The following ANK3 variants were observed in gnomAD, a reference collection of about 807,000 sequenced individuals.
The protein encoded by ANK3 is ankyrin-3.
In ANK3, 57 loss-of-function variants were observed where a neutral mutation model predicts 370.9. That is an observed-to-expected ratio of 0.15 (90% CI 0.12 to 0.19). ANK3 has a LOEUF of 0.19. Among genes scored for constraint, ANK3 ranks in the 10% least tolerant of loss-of-function variants. ANK3 has a pLI of 1.00. For missense variants in ANK3, 4,439 were observed against 5,302.1 expected (o/e 0.84, Z 5.06); for synonymous variants, 1,929 against 1,946.3 (o/e 0.99, Z 0.23).
chr10:60,536,885 G>T (rs952116072), intron 2 of ANK3, among the ~76,000 whole-genome samples: 11 of 151,858 alleles, frequency 7.2e-5, no homozygotes, highest in African/African-American at 2.4e-4. Context: ...TTATTTATGC[G>T]AGAATAAATC....
chr10:60,319,410 G>A (rs928618764), intron 1 of ANK3, among the ~76,000 whole-genome samples: 6 of 152,130 alleles, frequency 3.9e-5, no homozygotes, highest in African/African-American at 1.2e-4. Context: ...TCTCATTAAC[G>A]TAGTCTCCCA....
chr10:60,178,607 A>G (rs1200097015), intron 18 of ANK3, among the ~76,000 whole-genome samples: 1 of 152,222 alleles, frequency 6.6e-6, no homozygotes, highest in Non-Finnish European at 1.5e-5. Context: ...GGCAAGGAAT[A>G]TATCTCCCAG....
intron 23 of ANK3, chr10:60,146,110 A>C: frequency 6.7e-7 from 1 of 1,498,312 alleles, no homozygotes; most frequent in Non-Finnish European, 8.8e-7. Flanking sequence ...TGTTCCATCC[A>C]CCAGAAACAG....
chr10:60,441,698 T>C (rs1184752134), intron 2 of ANK3, among the ~76,000 whole-genome samples: 1 of 152,224 alleles, frequency 6.6e-6, no homozygotes, highest in Non-Finnish European at 1.5e-5. Flanking sequence ...TTTGTTTTGT[T>C]GCTATTCACA....
chr10:60,139,540 G>T, intron 23 of ANK3: 1 of 154,474 alleles, frequency 6.5e-6, no homozygotes, highest in Non-Finnish European at 1.4e-5. Context: ...AAAAAAACTG[G>T]TTTTCTCACA....
intron 2 of ANK3, among the ~76,000 whole-genome samples, chr10:60,612,726 C>T (rs987614423): frequency 6.6e-6 from 1 of 152,126 alleles, no homozygotes; most frequent in Non-Finnish European, 1.5e-5. Flanking sequence ...CTCCTGACCT[C>T]GTGATCCACC....
Position 60,198,372 on chromosome 10 carries a change from C to G in ANK3, c.1657G>C (p.Asp553His), listed in dbSNP as rs753197813. 1 of 1,614,162 alleles carries G rather than the reference C, an allele frequency of 6.2e-7. No homozygotes were observed. Among genetic ancestry groups the G allele is most frequent in the South Asian group, 1.1e-5 (1 of 91,086 alleles). ...GHEDVAAFLL[D>H]HGASLSITTK... is the part of the protein sequence containing the mutation. ...GTTATAGATAAAGACGCTCCATGAT[C>G]CAAAAGGAACGCGGCCACATCCTCA... Residue 553 changes from aspartate to histidine, a missense_variant, in exon 14 of 44, where the codon GAT (aspartate) becomes CAT (histidine). Around this residue, in one of 13 missense-constraint regions of ANK3, gnomAD observed 192 missense variants for 192.1 expected, o/e 1.00. Coordinates refer to ENST00000280772, the MANE Select transcript of ANK3 (RefSeq NM_020987.5).
intron 18 of ANK3, among the ~76,000 whole-genome samples, chr10:60,175,133 T>C (rs1484817104): frequency 6.6e-6 from 1 of 152,200 alleles, no homozygotes; most frequent in Admixed American, 6.5e-5. Context: ...TAGTCTCCCC[T>C]ATCCTCCTCA....
Position 60,213,652 on chromosome 10 carries a change from A to T in ANK3, c.898-142T>A, listed in dbSNP as rs2132460054. The T allele has an allele frequency of 2.2e-5, 10 of 450,554 alleles. No homozygotes were observed. In the East Asian group the frequency reaches 3.4e-4, roughly 15 times the overall value. 27.9% of individuals were successfully genotyped at this position (450,554 alleles called of 1,614,324 possible). A position where few individuals can be genotyped will look rare whatever the true frequency, so the allele number is the denominator to read the frequency against. On this transcript the variant is annotated intron_variant, in intron 8 of 43. Coordinates refer to ENST00000280772, the MANE Select transcript of ANK3 (RefSeq NM_020987.5). ...ATTTGCTCATTTATTTCATAAAATA[A>T]TTCCTTATTTTAGGTTGAAAACTAC...
chr10:60,202,895 A>AT, intron 12 of ANK3, 107 bp downstream of exon 12: 1 of 711,796 alleles, frequency 1.4e-6, no homozygotes, highest in Non-Finnish European at 2.3e-6. Context: ...AGACAGAGCG[A>AT]TACTCCAACT....
At chr10:60,386,492 T>A (rs2062344115) in intron 1 of ANK3, among the ~76,000 whole-genome samples, 1 of 152,116 alleles carries the variant, frequency 6.6e-6, no homozygotes. Flanking sequence ...AAAACACATC[T>A]TTATTAAAAC....
intron 1 of ANK3, among the ~76,000 whole-genome samples, chr10:60,629,371 C>T (rs1284240951): frequency 6.6e-6 from 1 of 152,126 alleles, no homozygotes; most frequent in Non-Finnish European, 1.5e-5. Context: ...TAACAAGCAT[C>T]ATATTTAAAA....
chr10:60,419,194 T>C (rs2063729859), intron 2 of ANK3, among the ~76,000 whole-genome samples: 1 of 152,160 alleles, frequency 6.6e-6, no homozygotes, highest in Non-Finnish European at 1.5e-5. Context: ...AAGAGATGAA[T>C]TTAAAGAAAA....
In ANK3 at chr10:60,074,145, T is replaced by C. The variant is rs764765603; in HGVS notation, c.6736A>G (p.Ile2246Val). 1 of 1,613,962 alleles carries C rather than the reference T, an allele frequency of 6.2e-7. No homozygotes were observed. The highest frequency in any genetic ancestry group is 8.5e-7 in the Non-Finnish European group (1 of 1,179,960). Residue 2246 changes from isoleucine (I) to valine (V), a missense_variant, in exon 37 of 44, where the codon ATA becomes GTA. Around this residue, in one of 13 missense-constraint regions of ANK3, gnomAD observed 1,601 missense variants for 1,731.7 expected, o/e 0.92. Coordinates refer to ENST00000280772, the MANE Select transcript of ANK3 (RefSeq NM_020987.5). ...TAAACCATTCTGGTGGTTGTGGTTATGTGAGTCTCTTCTTTAACACGCATG... is the reference window on the plus strand; with the variant it reads ...TAAACCATTCTGGTGGTTGTGGTTACGTGAGTCTCTTCTTTAACACGCATG... ...KGMRVKEETHITTTTRMVYHS... is the reference protein window; with the variant it reads ...KGMRVKEETHVTTTTRMVYHS...
intron 4 of ANK3, among the ~76,000 whole-genome samples, chr10:60,276,225 C>T (rs1428463355): frequency 6.6e-6 from 1 of 152,090 alleles, no homozygotes; most frequent in Non-Finnish European, 1.5e-5. Flanking sequence ...GAGTAAGGGG[C>T]TCTTTTTACC....
chr10:60,417,464 A>C (rs539916776), intron 2 of ANK3, among the ~76,000 whole-genome samples: 30 of 152,276 alleles, frequency 2.0e-4, no homozygotes, highest in African/African-American at 7.2e-4. Flanking sequence ...GGAATGGAGG[A>C]ATTCTGTATA....
intron 2 of ANK3, chr10:60,615,076 A>G (rs1287620587): frequency 1.5e-6 from 1 of 673,204 alleles, no homozygotes; most frequent in Non-Finnish European, 2.3e-6. Context: ...ACTGGTTTAA[A>G]AGGACCATCT....
chr10:60,475,292 GA>G (rs1043661237), intron 2 of ANK3, among the ~76,000 whole-genome samples: 1 of 151,052 alleles, frequency 6.6e-6, no homozygotes, highest in Admixed American at 6.6e-5. Context: ...AACTATGACA[GA>G]AAAAGTTTTA....
In ANK3 at chr10:60,389,554, A is replaced by T; in HGVS notation, c.-16T>A. ...CATGAGCCATAATGCATTTAAAAAG[A>T]TCCTCTCAAGCACACACGGCTTCCT... On this transcript the variant is annotated 5_prime_UTR_variant, in exon 1 of 44. Coordinates refer to ENST00000280772, the MANE Select transcript of ANK3 (RefSeq NM_020987.5). 1 of 1,613,114 alleles carries T rather than the reference A, an allele frequency of 6.2e-7. No homozygotes were observed.
Sources: allele counts gnomAD v4.1 joint callset (sites outside exome capture counted in the v4.1 genomes callset), GRCh38; gene constraint gnomAD v4.1.1; regional missense constraint gnomAD v4.1.1; transcripts MANE v1.5; gene names NCBI Gene and HGNC (gene_info 2026-07-23, HGNC 2026-07-21).